Variants in DSCAML1 observed in about 807,000 individuals in gnomAD.
DSCAML1 encodes the protein DS cell adhesion molecule like 1, also known as cell adhesion molecule DSCAML1.
Under a neutral mutation model 200.5 loss-of-function variants are expected in DSCAML1, and 38 were observed. The observed-to-expected ratio is 0.19, with a 90% CI of 0.15 to 0.25. The LOEUF (loss-of-function observed/expected upper bound fraction) is 0.25. DSCAML1 is among the 10% of genes least tolerant of loss of function. The pLI is 1.00. For missense variants in DSCAML1, 2,223 were observed against 2,858.8 expected, an observed-to-expected ratio of 0.78 and a Z score of 5.07; for synonymous variants, 1,215 against 1,165.0, an observed-to-expected ratio of 1.04 and a Z score of -0.87.
chr11:117,731,083 C>G (rs1169026489), intron 3 of DSCAML1, among the ~76,000 whole-genome samples: 2 of 152,076 alleles, frequency 1.3e-5, no homozygotes, highest in African/African-American at 4.8e-5. Flanking sequence ...GATGGCTATA[C>G]AGCTCTGTGA....
At chr11:117,560,868 T>A (rs540335383) in intron 3 of DSCAML1, among the ~76,000 whole-genome samples, 74 of 152,296 alleles carry the variant, frequency 4.9e-4, no homozygotes, top group African/African-American at 1.7e-3. Flanking sequence ...TTGTATTGCA[T>A]AATTAATGAG....
At chr11:117,635,098 G>A (rs969747791) in intron 3 of DSCAML1, among the ~76,000 whole-genome samples, 7 of 152,212 alleles carry the variant, frequency 4.6e-5, no homozygotes, top group African/African-American at 1.2e-4. Flanking sequence ...AGATGGATGC[G>A]CAGCCCCTGA....
At chr11:117,578,018 T>A (rs559258635) in intron 3 of DSCAML1, among the ~76,000 whole-genome samples, 1 of 151,738 alleles carries the variant, frequency 6.6e-6, no homozygotes, top group Non-Finnish European at 1.5e-5. Flanking sequence ...GTGGATCACC[T>A]GAGGTCAGGA....
chr11:117,491,813 A>G (rs1360559082), intron 11 of DSCAML1, among the ~76,000 whole-genome samples: 1 of 152,168 alleles, frequency 6.6e-6, no homozygotes, highest in East Asian at 1.9e-4. Context: ...AATATCAGAG[A>G]AGGCCAGTAG....
intron 3 of DSCAML1, among the ~76,000 whole-genome samples, chr11:117,621,472 C>T (rs1565831714): frequency 6.6e-6 from 1 of 152,184 alleles, no homozygotes; most frequent in Non-Finnish European, 1.5e-5. Flanking sequence ...AGACATGGAA[C>T]ATTTTAACCA....
At chr11:117,643,197 G>A (rs1183963098) in intron 3 of DSCAML1, among the ~76,000 whole-genome samples, 1 of 152,120 alleles carries the variant, frequency 6.6e-6, no homozygotes, top group Non-Finnish European at 1.5e-5. Flanking sequence ...GTAAACTTAT[G>A]GACCATCTAA....
chr11:117,770,075 A>G (rs1461480632), intron 3 of DSCAML1, among the ~76,000 whole-genome samples: 2 of 151,928 alleles, frequency 1.3e-5, no homozygotes, highest in African/African-American at 4.8e-5. Context: ...CTGGTCACAG[A>G]CTCCAGGGCC....
rs753392086 is a variant in DSCAML1 at position 117,518,590 on chromosome 11, C to T, written c.1386G>A (p.Ser462=). The T allele has an allele frequency of 8.1e-6, 13 of 1,614,034 alleles. No individual in the cohort carries two copies. The highest frequency in any genetic ancestry group is 1.7e-5 in the Admixed American group (1 of 60,022). The change falls in exon 7 of 33, where the codon TCG becomes TCA. Residue 462 remains serine (S), a synonymous_variant. Transcript: ENST00000651296. The surrounding 1 kb of genome is among the most constrained non-coding windows in gnomAD (Gnocchi z 6.3). ...GSHRTNQYTM[S]DGTTISHMNV... ...TCATGTGGCTGATGGTGGTGCCGTC[C>T]GACATGGTGTACTGGTTGGTGCGGT...
At chr11:117,712,063 G>A (rs1251092373) in intron 3 of DSCAML1, among the ~76,000 whole-genome samples, 1 of 152,050 alleles carries the variant, frequency 6.6e-6, no homozygotes, top group African/African-American at 2.4e-5. Context: ...ATCTACCATG[G>A]CATTATGAGC....
chr11:117,471,891 G>A lies in DSCAML1; in HGVS notation c.2931C>T (p.Leu977=), dbSNP rs1201238734. ...KIGRSEPSKE[L]TISTEEAAPD... is the part of the protein sequence containing the mutation. Reference sequence around the variant, plus strand: ...CACCGGCCTCCTCAGTGCTGATGGTGAGCTCCTTGCTTGGTTCACTGCGGC... The same window carrying A: ...CACCGGCCTCCTCAGTGCTGATGGTAAGCTCCTTGCTTGGTTCACTGCGGC... Residue 977 remains leucine (L), a synonymous_variant, in exon 15 of 33, where the codon CTC becomes CTT. Transcript: ENST00000651296. 9 of 1,588,924 alleles carry A rather than the reference G, an allele frequency of 5.7e-6. No individual in the cohort carries two copies. Among genetic ancestry groups the A allele is most frequent in the Non-Finnish European group, 7.7e-6 (9 of 1,169,342 alleles).
At chr11:117,757,573 TAC>T (rs5795104) in intron 3 of DSCAML1, among the ~76,000 whole-genome samples, 6,544 of 146,634 alleles carry the variant, frequency 0.045, 348 homozygotes, top group African/African-American at 0.13. Context: ...TAGGAGCCTA[TAC>T]ACACACACAC....
chr11:117,517,175 C>T (rs879599585), intron 7 of DSCAML1, among the ~76,000 whole-genome samples: 2 of 152,092 alleles, frequency 1.3e-5, no homozygotes, highest in Non-Finnish European at 2.9e-5. Context: ...ATTTTGATCT[C>T]GTACCCAAAA....
intron 3 of DSCAML1, among the ~76,000 whole-genome samples, chr11:117,564,270 C>G (rs752795): frequency 0.015 from 2,337 of 152,280 alleles, 34 homozygotes; most frequent in East Asian, 0.082. Context: ...TGAGTAGTAT[C>G]TGGGCCAACT....
rs772988946 is a variant in DSCAML1 at position 117,431,709 on chromosome 11, A to T, written c.5199T>A (p.Asn1733Lys). 4 of 1,591,762 alleles carry T rather than the reference A, an allele frequency of 2.5e-6. No individual in the cohort carries two copies. Among genetic ancestry groups the T allele is most frequent in the Non-Finnish European group, 3.4e-6 (4 of 1,167,358 alleles). The part of the protein sequence containing the change: ...RPGTNPVSRK[N>K]VKSAHSTRNR... ...TCCGGGTGCTGTGGGCTGACTTCACATTCTTCCTGGACACTGGATCTGCAC... is the reference window on the plus strand; with the variant it reads ...TCCGGGTGCTGTGGGCTGACTTCACTTTCTTCCTGGACACTGGATCTGCAC... Residue 1733 changes from asparagine to lysine, a missense_variant, in exon 31 of 33, where the codon AAT (asparagine) becomes AAA (lysine). Coordinates refer to ENST00000651296, the MANE Select transcript of DSCAML1 (RefSeq NM_020693.4).
At chr11:117,635,501 T>C (rs1407825839) in intron 3 of DSCAML1, among the ~76,000 whole-genome samples, 1 of 151,522 alleles carries the variant, frequency 6.6e-6, no homozygotes, top group African/African-American at 2.4e-5. Flanking sequence ...TGTGACTCAC[T>C]GGTGAATTCT....
intron 17 of DSCAML1, among the ~76,000 whole-genome samples, chr11:117,462,985 G>A (rs1206639518): frequency 6.6e-6 from 1 of 152,246 alleles, no homozygotes; most frequent in Non-Finnish European, 1.5e-5. Context: ...GTGATGTTTG[G>A]ACAGAGGCCA....
At chr11:117,441,146 G>A (rs1028388428) in intron 21 of DSCAML1, among the ~76,000 whole-genome samples, 2 of 152,114 alleles carry the variant, frequency 1.3e-5, no homozygotes, top group Non-Finnish European at 2.9e-5. Flanking sequence ...TGGGGGAAGA[G>A]AGCGGGGAGG....
At position 117,641,366 on chromosome 11, in the gene DSCAML1, C is replaced by T. The variant is rs182996627; in HGVS notation, c.512-108844G>A. On this transcript the variant is annotated intron_variant, in intron 3 of 32. Transcript: ENST00000651296. ...TCAAGTCTGATTTCAGCATCCTCTG[C>T]GATCACATTAGTGCAAGGATGTCTC... 4.6e-5 allele frequency among the ~76,000 whole-genome samples: 7 copies of T among 152,334 alleles called. No homozygotes were observed. The East Asian group carries it at 9.6e-4, about 21-fold the overall frequency.
At chr11:117,769,438 A>G (rs1285240982) in intron 3 of DSCAML1, among the ~76,000 whole-genome samples, 33 of 77,400 alleles carry the variant, frequency 4.3e-4, no homozygotes, top group African/African-American at 1.5e-3. Context: ...ATATTTTTAT[A>G]TAATATATAT....
Sources: allele counts gnomAD v4.1 joint callset (sites outside exome capture counted in the v4.1 genomes callset), GRCh38; gene constraint gnomAD v4.1.1; non-coding constraint Gnocchi (gnomAD v3.1); transcripts MANE v1.5; gene names NCBI Gene and HGNC (gene_info 2026-07-23, HGNC 2026-07-21).